The following STAB2 variants were observed in gnomAD, a reference collection of about 807,000 sequenced individuals.
STAB2 encodes stabilin-2.
A neutral mutation model predicts 338.1 loss-of-function variants in STAB2; 288 were observed. That is an observed-to-expected ratio of 0.85 (90% CI 0.77 to 0.94). The LOEUF is 0.94. Ranked by LOEUF, STAB2 falls within the 40% of genes least tolerant of loss-of-function variation. The pLI is 0.00. For synonymous variants in STAB2, 1,202 were observed against 1,193.3 expected (o/e 1.01, Z -0.15); for missense variants, 3,141 against 3,210.1 (o/e 0.98, Z 0.52).
chr12:103,734,485 A>G (rs1433656495), intron 51 of STAB2, among the ~76,000 whole-genome samples: 1 of 152,144 alleles, frequency 6.6e-6, no homozygotes, highest in Non-Finnish European at 1.5e-5. Flanking sequence ...ATATAGGAGC[A>G]TGCACAGTCT....
At chr12:103,705,600 T>C (rs1376351858) in intron 36 of STAB2, 32 bp from the exon 37 acceptor site, 1 of 1,605,872 alleles carries the variant, frequency 6.2e-7, no homozygotes, top group Non-Finnish European at 8.5e-7. Context: ...TTTCCTAACT[T>C]AGGAGCTGAC....
intron 25 of STAB2, among the ~76,000 whole-genome samples, chr12:103,680,600 C>T (rs533941750): frequency 1.3e-5 from 2 of 152,350 alleles, no homozygotes; most frequent in African/African-American, 4.8e-5. Context: ...AGATTGAGTG[C>T]ATCCACACCC....
At chr12:103,698,566 G>T (rs946385472) in intron 33 of STAB2, among the ~76,000 whole-genome samples, 5 of 152,042 alleles carry the variant, frequency 3.3e-5, no homozygotes, top group Non-Finnish European at 5.9e-5. Flanking sequence ...CCACATTCTT[G>T]TCCCAAGCCA....
At chr12:103,592,065 A>C (rs1956807007) in intron 2 of STAB2, 1 of 152,186 alleles carries the variant, frequency 6.6e-6, no homozygotes, top group Admixed American at 6.5e-5. Flanking sequence ...CATTTTAAAT[A>C]AAAGTTTCCC....
At chr12:103,600,195 G>A (rs898330876) in intron 3 of STAB2, among the ~76,000 whole-genome samples, 1 of 152,182 alleles carries the variant, frequency 6.6e-6, no homozygotes, top group Non-Finnish European at 1.5e-5. Context: ...CAGCACTTTG[G>A]TAAGGACATT....
At position 103,692,644 on chromosome 12, in the gene STAB2, AGAGAGAGG is replaced by A. The variant is rs536014255; in HGVS notation, c.3298-166_3298-159del. 3.0e-4 allele frequency among the ~76,000 whole-genome samples: 46 copies of A among 152,110 alleles called. 1 individual carries two copies. The South Asian group carries it at 9.0e-3, about 30-fold the overall frequency. ...GCACGTGCACGTGTGTGAGAGAGAGAGAGAGAGGGGTCTATGGGACAACAAGTTAAAGG... is the reference window on the plus strand; with the variant it reads ...GCACGTGCACGTGTGTGAGAGAGAGAGGTCTATGGGACAACAAGTTAAAGG... On this transcript the variant is annotated intron_variant, in intron 30 of 68. Transcript: ENST00000388887.
intron 3 of STAB2, among the ~76,000 whole-genome samples, chr12:103,618,662 T>C (rs1957248806): frequency 6.6e-6 from 1 of 152,190 alleles, no homozygotes; most frequent in African/African-American, 2.4e-5. Context: ...TGTCTATCAT[T>C]ACCCCTTGCC....
At chr12:103,707,025 T>C (rs879618447) in intron 38 of STAB2, 38 bp downstream of exon 38, 1 of 1,604,652 alleles carries the variant, frequency 6.2e-7, no homozygotes, top group Non-Finnish European at 8.5e-7. Flanking sequence ...CTTGGGCTGC[T>C]GAAACCAACC....
At chr12:103,737,069 A>G (rs17505525) in intron 52 of STAB2, among the ~76,000 whole-genome samples, 17,902 of 152,288 alleles carry the variant, frequency 0.12, 1,352 homozygotes, top group South Asian at 0.2. Context: ...AAAGAAAGCC[A>G]AACCGGGCAC....
intron 5 of STAB2, among the ~76,000 whole-genome samples, chr12:103,626,279 T>G (rs569938257): frequency 6.6e-6 from 1 of 152,274 alleles, no homozygotes; most frequent in East Asian, 1.9e-4. Flanking sequence ...TTAATATCAT[T>G]TAATTCAAAT....
chr12:103,766,191 GGA>G (rs1449148721), intron 68 of STAB2, 93 bp from the exon 69 acceptor site: 4 of 1,499,156 alleles, frequency 2.7e-6, no homozygotes, highest in Non-Finnish European at 3.7e-6. Flanking sequence ...CAGTGCTCAG[GGA>G]GAGTCATGCC....
At chr12:103,761,265 A>G (rs779314297) in intron 65 of STAB2, 35 bp from the exon 66 acceptor site, 5 of 1,593,908 alleles carry the variant, frequency 3.1e-6, no homozygotes, top group African/African-American at 2.7e-5. Flanking sequence ...CCACTCGGAG[A>G]GTAAAAGCCA....
At chr12:103,623,621 A>T (rs1957337501) in intron 5 of STAB2, among the ~76,000 whole-genome samples, 1 of 152,200 alleles carries the variant, frequency 6.6e-6, no homozygotes, top group Non-Finnish European at 1.5e-5. Context: ...TTCTCCCCAG[A>T]GTCTCCAAAA....
chr12:103,669,524 C>T lies in STAB2; in HGVS notation c.2173-17C>T, dbSNP rs573419264. ...CTACTTGGGGGTTCAAAGGGGAACA[C>T]GCATTTTGTTTTTCAGATTCCAAAG... On this transcript the variant is annotated splice_polypyrimidine_tract_variant and intron_variant, in intron 20 of 68. Transcript: ENST00000388887. The T allele has an allele frequency of 2.2e-5, 36 of 1,609,032 alleles. No individual in the cohort carries two copies. Among genetic ancestry groups the T allele is most frequent in the Admixed American group, 2.2e-4 (13 of 59,986 alleles).
At chr12:103,748,578 T>G (rs1340207103) in intron 58 of STAB2, among the ~76,000 whole-genome samples, 3 of 147,248 alleles carry the variant, frequency 2.0e-5, no homozygotes, top group Non-Finnish European at 4.5e-5. Flanking sequence ...TTGTACTAAC[T>G]CTACACCACA....
chr12:103,627,427 C>T (rs1007625852), intron 5 of STAB2, among the ~76,000 whole-genome samples: 1 of 152,236 alleles, frequency 6.6e-6, no homozygotes, highest in Non-Finnish European at 1.5e-5. Context: ...CATACCATCC[C>T]TCTGACCAGC....
chr12:103,642,127 G>A (rs921905658), intron 9 of STAB2, among the ~76,000 whole-genome samples: 4 of 152,190 alleles, frequency 2.6e-5, no homozygotes, highest in African/African-American at 9.6e-5. Flanking sequence ...TGTCAAGTAG[G>A]TCTAGAGACC....
At chr12:103,610,546 T>C (rs1287660643) in intron 3 of STAB2, among the ~76,000 whole-genome samples, 14 of 152,306 alleles carry the variant, frequency 9.2e-5, no homozygotes, top group African/African-American at 3.4e-4. Context: ...GCCTTTATCA[T>C]TTTTTATTGC....
chr12:103,709,051 AG>A (rs1253984844), intron 39 of STAB2, among the ~76,000 whole-genome samples: 1 of 152,166 alleles, frequency 6.6e-6, no homozygotes. Context: ...TCTGGGGGAA[AG>A]GTCTTGCTAC....
Sources: gnomAD v4.1 joint callset for allele counts (sites outside exome capture counted in the v4.1 genomes callset) on GRCh38, gnomAD v4.1.1 for gene constraint, MANE v1.5 for transcripts, NCBI Gene and HGNC (gene_info 2026-07-23, HGNC 2026-07-21) for gene names.